Variants in ACSM2B observed in about 807,000 individuals in gnomAD.
The protein encoded by ACSM2B is acyl-coenzyme A synthetase ACSM2B, mitochondrial.
In ACSM2B, 58 loss-of-function variants were observed where a neutral mutation model predicts 78.6. The observed-to-expected ratio is 0.74, with a 90% CI of 0.60 to 0.92. ACSM2B has a LOEUF of 0.92. ACSM2B is among the 40% of genes least tolerant of loss of function. The pLI is 0.00. For missense variants in ACSM2B, 688 were observed against 711.2 expected, an observed-to-expected ratio of 0.97 and a Z score of 0.37; for synonymous variants, 257 against 256.8, an observed-to-expected ratio of 1.00 and a Z score of -0.01.
intron 10 of ACSM2B, among the ~76,000 whole-genome samples, chr16:20,544,217 C>T (rs1375332193): frequency 1.3e-5 from 2 of 152,186 alleles, no homozygotes. Flanking sequence ...CGCTGAAGCT[C>T]AGTTTTCCTC....
intron 4 of ACSM2B, chr16:20,554,195 C>T: frequency 1.7e-6 from 1 of 596,508 alleles, no homozygotes; most frequent in East Asian, 3.7e-5. Context: ...AAAGTGAGAT[C>T]AAGTCTTATA....
intron 1 of ACSM2B, among the ~76,000 whole-genome samples, chr16:20,571,940 C>G (rs1261471586): frequency 3.6e-4 from 55 of 151,446 alleles, no homozygotes; most frequent in Non-Finnish European, 3.4e-4. Flanking sequence ...TTTCCACCCC[C>G]TTACCTTAAG....
At chr16:20,564,003 T>G (rs2015743371) in intron 2 of ACSM2B, among the ~76,000 whole-genome samples, 1 of 150,252 alleles carries the variant, frequency 6.7e-6, no homozygotes, top group South Asian at 2.1e-4. Flanking sequence ...TTGAAGCCCT[T>G]TTGATAACTG....
At chr16:20,539,896 G>T (rs530283687) in intron 13 of ACSM2B, among the ~76,000 whole-genome samples, 200 of 150,820 alleles carry the variant, frequency 1.3e-3, no homozygotes, top group African/African-American at 4.6e-3. Context: ...GTGAAAGAGA[G>T]ACACCTGACC....
intron 2 of ACSM2B, among the ~76,000 whole-genome samples, chr16:20,562,571 A>G (rs1424793310): frequency 2.0e-5 from 3 of 152,190 alleles, no homozygotes. Context: ...ACTTTAAAGC[A>G]AGGATGACAA....
At chr16:20,549,586 T>C (rs2015241108) in intron 6 of ACSM2B, 2 of 255,560 alleles carry the variant, frequency 7.8e-6, no homozygotes, top group Non-Finnish European at 1.6e-5. Context: ...ATTGAGTTTG[T>C]TGATGAAAGG....
At chr16:20,569,944 T>G (rs2016049028) in intron 1 of ACSM2B, among the ~76,000 whole-genome samples, 1 of 151,898 alleles carries the variant, frequency 6.6e-6, no homozygotes. Context: ...ATTTATTAGT[T>G]GTAGGAGTTC....
intron 10 of ACSM2B, among the ~76,000 whole-genome samples, chr16:20,543,516 G>T (rs2015057031): frequency 6.6e-6 from 1 of 152,182 alleles, no homozygotes; most frequent in Non-Finnish European, 1.5e-5. Flanking sequence ...TATTATTGAT[G>T]TATTCATTCA....
chr16:20,564,388 G>T (rs1442555383), intron 2 of ACSM2B, among the ~76,000 whole-genome samples: 22 of 152,024 alleles, frequency 1.4e-4, no homozygotes, highest in Non-Finnish European at 3.1e-4. Flanking sequence ...ACCCTGGGAG[G>T]TCACAACAGA....
intron 13 of ACSM2B, among the ~76,000 whole-genome samples, chr16:20,539,957 A>T (rs9921478): frequency 0.072 from 10,932 of 151,234 alleles, 542 homozygotes; most frequent in East Asian, 0.19. Context: ...TCTTCACCCC[A>T]GGACTTTTCA....
chr16:20,560,331 G>T (rs1371772053), intron 2 of ACSM2B, among the ~76,000 whole-genome samples: 2 of 151,910 alleles, frequency 1.3e-5, no homozygotes, highest in Non-Finnish European at 2.9e-5. Context: ...GAGGTGATTG[G>T]ATCATGGGGG....
At chr16:20,543,735 C>A (rs115900519) in intron 10 of ACSM2B, among the ~76,000 whole-genome samples, 5 of 151,836 alleles carry the variant, frequency 3.3e-5, no homozygotes, top group African/African-American at 9.7e-5. Context: ...AGCTGGGTCC[C>A]TCTATTCAGC....
At chr16:20,569,981 G>T (rs949022638) in intron 1 of ACSM2B, among the ~76,000 whole-genome samples, 1 of 151,752 alleles carries the variant, frequency 6.6e-6, no homozygotes, top group Non-Finnish European at 1.5e-5. Context: ...AGGTCTTCTA[G>T]GTATACAATC....
intron 2 of ACSM2B, among the ~76,000 whole-genome samples, chr16:20,561,944 A>G (rs1203990547): frequency 1.6e-5 from 1 of 64,324 alleles, no homozygotes; most frequent in Non-Finnish European, 3.0e-5. Context: ...ATTCCCACCT[A>G]TGAGTGAGAA....
rs562555523 is a variant in ACSM2B, at chr16:20,556,848, G to A, written c.389-1372C>T. Among the ~76,000 whole-genome samples, 3 of 152,114 alleles carry A rather than the reference G, an allele frequency of 2.0e-5. No individual in the cohort carries two copies. The East Asian group carries it at 5.8e-4, about 30-fold the overall frequency. On this transcript the variant is annotated intron_variant, in intron 3 of 13. Coordinates refer to ENST00000329697, the MANE Select transcript of ACSM2B (RefSeq NM_001105069.2). ...TTCCTCTGGGTTCTCCTTTCCTTCT[G>A]GCTATAATTTCAGTATGTCACCTTT... is the stretch of plus-strand genomic sequence containing the variant.
chr16:20,546,463 G>A lies in ACSM2B; in HGVS notation c.1110C>T (p.Cys370=), dbSNP rs758917176. 3.1e-6 allele frequency: 5 copies of A among 1,606,680 alleles called. No homozygotes were observed. The highest frequency in any genetic ancestry group is 2.2e-5 in the East Asian group (1 of 44,772). ...FYGQTETGLT[C]MVSKTMKIKP... ...TGATTTTCATTGTCTTGGAAACCAT[G>A]CAAGTTAATCCCTGTGGAAAGAAGC... Residue 370 remains cysteine, a synonymous_variant, in exon 9 of 14, where the codon TGC becomes TGT. Coordinates refer to ENST00000329697, the MANE Select transcript of ACSM2B (RefSeq NM_001105069.2).
At chr16:20,547,250 C>A in intron 8 of ACSM2B, 1 of 985,526 alleles carries the variant, frequency 1.0e-6, no homozygotes, top group South Asian at 4.7e-5. Flanking sequence ...TAAACATGTC[C>A]TCCTCTGAAT....
At chr16:20,571,269 C>A (rs2016087510) in intron 1 of ACSM2B, among the ~76,000 whole-genome samples, 1 of 151,922 alleles carries the variant, frequency 6.6e-6, no homozygotes, top group Non-Finnish European at 1.5e-5. Flanking sequence ...TAGCTTGTGT[C>A]ACTATTGTCC....
chr16:20,553,446 G>A (rs560109270), intron 5 of ACSM2B, among the ~76,000 whole-genome samples: 3 of 152,266 alleles, frequency 2.0e-5, no homozygotes, highest in East Asian at 1.9e-4. Context: ...GAGTGTGGGC[G>A]GTATCAAAGC....
Sources: allele counts gnomAD v4.1 joint callset (sites outside exome capture counted in the v4.1 genomes callset), GRCh38; gene constraint gnomAD v4.1.1; transcripts MANE v1.5; gene names NCBI Gene and HGNC (gene_info 2026-07-23, HGNC 2026-07-21).